NPTN: variants seen among roughly 807,000 people sequenced by gnomAD.
NPTN encodes SDR-1.
Under a neutral mutation model 42.7 loss-of-function variants are expected in NPTN, and 5 were observed. That is an observed-to-expected ratio of 0.12 (90% confidence interval 0.06 to 0.25). The LOEUF (loss-of-function observed/expected upper bound fraction) is 0.25. Among genes scored for constraint, NPTN ranks in the 10% least tolerant of loss-of-function variants. The pLI, the probability that NPTN is intolerant of heterozygous loss-of-function variation, is 1.00. For missense variants in NPTN, 307 were observed against 525.4 expected (o/e 0.58, Z 4.06); for synonymous variants, 180 against 201.9 (o/e 0.89, Z 0.92).
At chr15:73,574,953 A>T in intron 4 of NPTN, among the ~76,000 whole-genome samples, 1 of 152,362 alleles carries the variant, frequency 6.6e-6, no homozygotes, top group South Asian at 2.1e-4. Context: ...TTATTTTATC[A>T]TAACTATATT....
chr15:73,563,226 A>G lies in NPTN; in HGVS notation c.1136+10T>C, dbSNP rs369664259. Reference sequence around the variant, plus strand: ...GATACTGTTGAATCAATGTCCAATAAAGTACTTACATTGGTCCAGCTGGTT... The same window carrying G: ...GATACTGTTGAATCAATGTCCAATAGAGTACTTACATTGGTCCAGCTGGTT... On this transcript the variant is annotated intron_variant, in intron 7 of 8. Transcript: ENST00000345330. 6.5e-7 allele frequency: 1 copy of G among 1,536,988 alleles called. No individual in the cohort carries two copies. The highest frequency in any genetic ancestry group is 9.0e-7 in the Non-Finnish European group (1 of 1,109,840).
intron 1 of NPTN, among the ~76,000 whole-genome samples, chr15:73,632,417 T>A (rs1286686995): frequency 3.3e-5 from 5 of 151,818 alleles, no homozygotes; most frequent in African/African-American, 1.2e-4. Flanking sequence ...TGCCCAGCAC[T>A]CCACCCTCTT....
intron 5 of NPTN, among the ~76,000 whole-genome samples, chr15:73,571,686 C>A (rs1373781990): frequency 6.6e-6 from 1 of 152,148 alleles, no homozygotes; most frequent in East Asian, 1.9e-4. Flanking sequence ...TCACTGCACT[C>A]AGCTCATGAG....
chr15:73,612,870 A>G (rs1012773621), intron 1 of NPTN, among the ~76,000 whole-genome samples: 2 of 152,240 alleles, frequency 1.3e-5, no homozygotes, highest in Non-Finnish European at 2.9e-5. Flanking sequence ...ATCATAAGGA[A>G]AAGAATGTCA....
chr15:73,575,254 A>G (rs1323044549), intron 4 of NPTN, among the ~76,000 whole-genome samples: 1 of 152,188 alleles, frequency 6.6e-6, no homozygotes, highest in Non-Finnish European at 1.5e-5. Flanking sequence ...AAGTGTTGGG[A>G]TTACAGGCGT....
At chr15:73,625,902 C>T (rs973804635) in intron 1 of NPTN, among the ~76,000 whole-genome samples, 1 of 152,060 alleles carries the variant, frequency 6.6e-6, no homozygotes, top group African/African-American at 2.4e-5. Flanking sequence ...AAGAAATGGA[C>T]CTAACAGATA....
At chr15:73,587,385 T>C in intron 4 of NPTN, 139 bp downstream of exon 4, 2 of 626,370 alleles carry the variant, frequency 3.2e-6, no homozygotes, top group Non-Finnish European at 5.6e-6. Flanking sequence ...GCCACGATCC[T>C]GAGCCTGTGG....
chr15:73,578,241 G>A (rs553850359), intron 4 of NPTN, among the ~76,000 whole-genome samples: 2 of 152,212 alleles, frequency 1.3e-5, no homozygotes, highest in South Asian at 4.1e-4. Context: ...ACTATGTGCA[G>A]GTATAAAATG....
At chr15:73,576,998 T>A (rs905595513) in intron 4 of NPTN, among the ~76,000 whole-genome samples, 4 of 152,184 alleles carry the variant, frequency 2.6e-5, no homozygotes, top group Admixed American at 2.6e-4. Context: ...TTCTTGAGGT[T>A]TTTTTCTGCA....
chr15:73,563,839 C>T (rs1169961326), intron 6 of NPTN, among the ~76,000 whole-genome samples: 1 of 152,180 alleles, frequency 6.6e-6, no homozygotes, highest in Non-Finnish European at 1.5e-5. Flanking sequence ...TAAATTGGGT[C>T]AGCCATGCTG....
chr15:73,621,517 C>A (rs1407595636), intron 1 of NPTN, among the ~76,000 whole-genome samples: 1 of 152,090 alleles, frequency 6.6e-6, no homozygotes, highest in Non-Finnish European at 1.5e-5. Flanking sequence ...TTATTAAGCA[C>A]TTCAGCATAC....
At chr15:73,611,707 G>A (rs898695765) in intron 1 of NPTN, among the ~76,000 whole-genome samples, 2 of 152,120 alleles carry the variant, frequency 1.3e-5, no homozygotes, top group African/African-American at 4.8e-5. Flanking sequence ...CTCATAGTAT[G>A]CACAACATCA....
In NPTN at chr15:73,633,185, C is replaced by T; in HGVS notation, c.31G>A (p.Ala11Thr). 20 of 1,531,000 alleles carry T rather than the reference C, an allele frequency of 1.3e-5. No individual in the cohort carries two copies. The highest frequency in any genetic ancestry group is 1.7e-5 in the Non-Finnish European group (20 of 1,144,632). 94.8% of individuals were successfully genotyped at this position (1,531,000 alleles called of 1,614,324 possible). Residue 11 changes from alanine (A) to threonine (T), a missense_variant, in exon 1 of 9, where the codon GCC becomes ACC. This residue lies in a region of NPTN where 43 missense variants were observed against 34.3 expected (regional missense o/e 1.25). Transcript: ENST00000345330. MSGSSLPSAL[A>T]LSLLLVSGSL... ...CCAGAGACCAGCAACAGCGAGAGGG[C>T]CAGGGCGCTGGGCAGCGACGAACCC...
intron 5 of NPTN, among the ~76,000 whole-genome samples, chr15:73,573,455 G>C (rs552850695): frequency 5.3e-5 from 8 of 152,314 alleles, no homozygotes; most frequent in African/African-American, 1.9e-4. Flanking sequence ...CAGAGGGACA[G>C]CTTTAACAAA....
chr15:73,566,452 G>T (rs1895011025), intron 6 of NPTN, among the ~76,000 whole-genome samples: 1 of 152,222 alleles, frequency 6.6e-6, no homozygotes. Context: ...GGTAAAAACA[G>T]AAAGTTCTTT....
chr15:73,584,201 G>A (rs780027278), intron 4 of NPTN, among the ~76,000 whole-genome samples: 2 of 152,142 alleles, frequency 1.3e-5, no homozygotes, highest in Non-Finnish European at 2.9e-5. Context: ...TGACATATTT[G>A]TTGCAAAGGA....
At chr15:73,564,858 T>G (rs1470647928) in intron 6 of NPTN, among the ~76,000 whole-genome samples, 1 of 152,150 alleles carries the variant, frequency 6.6e-6, no homozygotes, top group Non-Finnish European at 1.5e-5. Context: ...AAATACAAAA[T>G]TCTAATGCAA....
At chr15:73,631,446 C>T (rs904646889) in intron 1 of NPTN, among the ~76,000 whole-genome samples, 3 of 152,152 alleles carry the variant, frequency 2.0e-5, no homozygotes, top group Non-Finnish European at 4.4e-5. Flanking sequence ...CAGTGATATC[C>T]AAGGCCATGA....
At position 73,587,564 on chromosome 15, in the gene NPTN, A is replaced by G. The variant is rs756986540; in HGVS notation, c.666T>C (p.Phe222=). ...DSGEYHCVYH[F]VSAPKANATI... ...TGGCGTTTGCTTTAGGAGCGCTGAC[A>G]AAGTGATATACGCAGTGGTATTCGC... Residue 222 remains phenylalanine (F), a synonymous_variant, in exon 4 of 9, where the codon TTT becomes TTC. Transcript: ENST00000345330. 2.9e-5 allele frequency: 46 copies of G among 1,614,012 alleles called. No individual in the cohort carries two copies. Among genetic ancestry groups the G allele is most frequent in the Non-Finnish European group, 3.6e-5 (42 of 1,179,964 alleles).
Sources: gnomAD v4.1 joint callset for allele counts (sites outside exome capture counted in the v4.1 genomes callset) on GRCh38, gnomAD v4.1.1 for gene constraint, gnomAD v4.1.1 regional missense constraint, MANE v1.5 for transcripts, NCBI Gene and HGNC (gene_info 2026-07-23, HGNC 2026-07-21) for gene names.